The following NR5A2 variants were observed in gnomAD, a reference collection of about 807,000 sequenced individuals.
The protein encoded by NR5A2 is CYP7A promoter-binding factor.
NR5A2 carries 26 observed loss-of-function variants against 62.7 expected under a neutral mutation model. That is an observed-to-expected ratio of 0.41 (90% CI 0.30 to 0.58). The LOEUF is 0.58. NR5A2 is among the 20% of genes least tolerant of loss of function. The pLI is 0.22. For missense variants in NR5A2, 541 were observed against 669.1 expected (o/e 0.81, Z 2.11); for synonymous variants, 246 against 241.7 (o/e 1.02, Z -0.16).
chr1:200,069,396 G>T (rs1262088477), intron 5 of NR5A2, among the ~76,000 whole-genome samples: 2 of 152,062 alleles, frequency 1.3e-5, no homozygotes, highest in East Asian at 3.9e-4. Flanking sequence ...GAGTAACACG[G>T]ATTATAGGCA....
intron 1 of NR5A2, among the ~76,000 whole-genome samples, chr1:200,036,071 A>G (rs1661763720): frequency 6.6e-6 from 1 of 152,068 alleles, no homozygotes; most frequent in Admixed American, 6.6e-5. Context: ...CCGGCGGAGG[A>G]TGAGATGCGT....
At chr1:200,050,782 C>T (rs547821232) in intron 5 of NR5A2, among the ~76,000 whole-genome samples, 1 of 152,280 alleles carries the variant, frequency 6.6e-6, no homozygotes, top group East Asian at 1.9e-4. Flanking sequence ...ATCCCAGCTT[C>T]TAGGGAGGCT....
At chr1:200,030,088 G>A (rs574552214) in intron 1 of NR5A2, among the ~76,000 whole-genome samples, 1 of 152,258 alleles carries the variant, frequency 6.6e-6, no homozygotes, top group African/African-American at 2.4e-5. Flanking sequence ...ATTGCCCAGG[G>A]TAGCCCCACT....
intron 5 of NR5A2, among the ~76,000 whole-genome samples, chr1:200,056,111 T>C (rs1020330408): frequency 6.6e-6 from 1 of 152,220 alleles, no homozygotes; most frequent in Non-Finnish European, 1.5e-5. Context: ...ATTTATGTTA[T>C]TTCAGCCTTT....
Position 200,039,638 on chromosome 1 carries a change from T to C in NR5A2, c.65-20T>C. 1 of 1,608,988 alleles carries C rather than the reference T, an allele frequency of 6.2e-7. No homozygotes were observed. The highest frequency in any genetic ancestry group is 8.5e-7 in the Non-Finnish European group (1 of 1,178,056). On this transcript the variant is annotated intron_variant, in intron 1 of 7. Coordinates refer to ENST00000367362, the MANE Select transcript of NR5A2 (RefSeq NM_205860.3). This position sits in a 1 kb window ranked among gnomAD's most constrained non-coding sequence, Gnocchi z 5.1. ...CTTCCTTCTTTTCGCCGGAGTTGAA[T>C]CTGTGCTGCCCGTGTCCAGGTGCTG... is the stretch of plus-strand genomic sequence containing the variant.
At position 200,039,942 on chromosome 1, in the gene NR5A2, T is replaced by C. The variant is rs1661988532; in HGVS notation, c.202+147T>C. ...GCGGGAGTCAAGCCCCCTCCCCAGG[T>C]GCAGGCATAAAAGTTTATGGCTCTT... On this transcript the variant is annotated intron_variant, in intron 2 of 7. Coordinates refer to ENST00000367362, the MANE Select transcript of NR5A2 (RefSeq NM_205860.3). The surrounding 1 kb of genome is among the most constrained non-coding windows in gnomAD (Gnocchi z 5.1). 2 of 846,278 alleles carry C rather than the reference T, an allele frequency of 2.4e-6. No individual in the cohort carries two copies. Among genetic ancestry groups the C allele is most frequent in the African/African-American group, 1.8e-5 (1 of 54,514 alleles). The allele number at this position is 846,278 out of a possible 1,614,324, so 52.4% of individuals were successfully genotyped here.
chr1:200,149,336 GTGTTT>G (rs1667882523), intron 7 of NR5A2, among the ~76,000 whole-genome samples: 1 of 152,204 alleles, frequency 6.6e-6, no homozygotes, highest in Non-Finnish European at 1.5e-5. Flanking sequence ...GTGGCCAAAG[GTGTTT>G]CCCACAACAG....
intron 5 of NR5A2, among the ~76,000 whole-genome samples, chr1:200,049,730 G>A (rs543289249): frequency 2.0e-4 from 31 of 152,234 alleles, no homozygotes; most frequent in African/African-American, 7.0e-4. Context: ...AACGGGGAGA[G>A]ATGTGGCTGC....
At chr1:200,144,766 C>T (rs1479487452) in intron 7 of NR5A2, among the ~76,000 whole-genome samples, 2 of 152,176 alleles carry the variant, frequency 1.3e-5, no homozygotes, top group African/African-American at 4.8e-5. Flanking sequence ...AATTCCTTCA[C>T]CAATTACGGT....
At chr1:200,047,821 AC>A (rs778680842) in intron 4 of NR5A2, among the ~76,000 whole-genome samples, 1 of 151,876 alleles carries the variant, frequency 6.6e-6, no homozygotes, top group Non-Finnish European at 1.5e-5. Context: ...CAGGTGATCC[AC>A]CCGCCTTGGC....
In NR5A2 at chr1:200,110,611, G is replaced by A. The variant is rs768273815; in HGVS notation, c.1111-591G>A. On this transcript the variant is annotated intron_variant, in intron 5 of 7. Transcript: ENST00000367362. ...TATAAAAGAAATTCCAGTTAGCACC[G>A]ACATCATGCTTGGTGAGTGTTCTCT... Among the ~76,000 whole-genome samples, 7 of 152,264 alleles carry A rather than the reference G, an allele frequency of 4.6e-5. No homozygotes were observed. In the East Asian group the frequency reaches 9.7e-4, roughly 21 times the overall value.
At chr1:200,128,863 G>A (rs566978509) in intron 7 of NR5A2, among the ~76,000 whole-genome samples, 1 of 152,206 alleles carries the variant, frequency 6.6e-6, no homozygotes, top group Non-Finnish European at 1.5e-5. Flanking sequence ...TGAAAGATTT[G>A]GATAAAAGTC....
intron 7 of NR5A2, among the ~76,000 whole-genome samples, chr1:200,167,958 C>T (rs1407375955): frequency 1.3e-5 from 2 of 152,166 alleles, no homozygotes; most frequent in African/African-American, 4.8e-5. Flanking sequence ...TTATCTGTAT[C>T]ACATTAATTG....
chr1:200,121,710 A>C (rs1019766252), intron 7 of NR5A2, among the ~76,000 whole-genome samples: 2 of 152,228 alleles, frequency 1.3e-5, no homozygotes, highest in African/African-American at 4.8e-5. Flanking sequence ...ACTTAAATAA[A>C]CTTTTTGCCA....
chr1:200,114,243 CACAT>C (rs1383379477), intron 6 of NR5A2, among the ~76,000 whole-genome samples: 3 of 151,422 alleles, frequency 2.0e-5, no homozygotes, highest in Admixed American at 6.6e-5. Flanking sequence ...TACACACACA[CACAT>C]ACACACAAAT....
intron 5 of NR5A2, among the ~76,000 whole-genome samples, chr1:200,107,641 T>G (rs1399297742): frequency 1.3e-5 from 2 of 152,228 alleles, no homozygotes; most frequent in South Asian, 2.1e-4. Context: ...AAAGTCAGAC[T>G]GTTTTTTGCT....
At chr1:200,094,858 G>A (rs947803541) in intron 5 of NR5A2, among the ~76,000 whole-genome samples, 1 of 151,996 alleles carries the variant, frequency 6.6e-6, no homozygotes, top group African/African-American at 2.4e-5. Flanking sequence ...GTCAAAATAT[G>A]ACTGTTCTTC....
intron 7 of NR5A2, among the ~76,000 whole-genome samples, chr1:200,122,636 A>G (rs1666528123): frequency 6.6e-6 from 1 of 152,182 alleles, no homozygotes; most frequent in African/African-American, 2.4e-5. Flanking sequence ...ATCTTCCTGA[A>G]CAACTGGGCC....
intron 5 of NR5A2, among the ~76,000 whole-genome samples, chr1:200,086,911 T>A (rs1664555435): frequency 6.6e-6 from 1 of 152,048 alleles, no homozygotes; most frequent in Non-Finnish European, 1.5e-5. Flanking sequence ...TGGTGACACA[T>A]GCCTGTAATC....
Sources: gnomAD v4.1 joint callset for allele counts (sites outside exome capture counted in the v4.1 genomes callset) on GRCh38, gnomAD v4.1.1 for gene constraint, Gnocchi (gnomAD v3.1) non-coding constraint, MANE v1.5 for transcripts, NCBI Gene and HGNC (gene_info 2026-07-23, HGNC 2026-07-21) for gene names.